COMMD10: variants seen among roughly 807,000 people sequenced by gnomAD.
COMMD10 encodes COMM domain-containing protein 10.
A neutral mutation model predicts 28.9 loss-of-function variants in COMMD10; 33 were observed. The ratio of observed to expected loss-of-function variants is 1.14; its 90% confidence interval spans 0.87 to 1.53. The LOEUF (loss-of-function observed/expected upper bound fraction) is 1.53. Among genes scored for constraint, COMMD10 ranks in the 40% most tolerant of loss-of-function variants. The pLI is 0.00. For missense variants in COMMD10, 310 were observed against 233.4 expected (o/e 1.33, Z -2.14); for synonymous variants, 110 against 81.7 (o/e 1.35, Z -1.87).
chr5:116,244,033 AC>A (rs1429967011), intron 5 of COMMD10, among the ~76,000 whole-genome samples: 2 of 151,270 alleles, frequency 1.3e-5, no homozygotes, highest in African/African-American at 2.4e-5. Context: ...AGATGTCTAT[AC>A]ACACACACAT....
intron 5 of COMMD10, among the ~76,000 whole-genome samples, chr5:116,285,566 A>T (rs1751197559): frequency 1.3e-5 from 2 of 152,100 alleles, no homozygotes; most frequent in African/African-American, 4.8e-5. Context: ...GGCAATGATT[A>T]TGACAGACAT....
chr5:116,166,573 A>G (rs1454423544), intron 5 of COMMD10, among the ~76,000 whole-genome samples: 1 of 152,190 alleles, frequency 6.6e-6, no homozygotes, highest in African/African-American at 2.4e-5. Context: ...AGGGGTTGAC[A>G]GGCATCTCAT....
At chr5:116,217,320 A>G (rs1468060664) in intron 5 of COMMD10, among the ~76,000 whole-genome samples, 2 of 152,136 alleles carry the variant, frequency 1.3e-5, no homozygotes, top group Non-Finnish European at 2.9e-5. Context: ...TTCAAACTTA[A>G]CTACCTTCTT....
chr5:116,131,422 T>C (rs779557287), intron 4 of COMMD10, among the ~76,000 whole-genome samples: 1 of 151,386 alleles, frequency 6.6e-6, no homozygotes, highest in Non-Finnish European at 1.5e-5. Flanking sequence ...TATGTATGTA[T>C]GTATGTATGT....
intron 5 of COMMD10, among the ~76,000 whole-genome samples, chr5:116,194,062 A>G (rs1748442109): frequency 6.6e-6 from 1 of 152,176 alleles, no homozygotes; most frequent in Non-Finnish European, 1.5e-5. Flanking sequence ...TTGCTCCTGA[A>G]TGAGCATTGG....
intron 5 of COMMD10, among the ~76,000 whole-genome samples, chr5:116,208,794 G>T (rs568464867): frequency 9.9e-5 from 15 of 152,166 alleles, no homozygotes; most frequent in Non-Finnish European, 1.6e-4. Context: ...TCTTTTGGAT[G>T]TAGAGGCATA....
At chr5:116,086,026 T>C (rs766030479) in intron 1 of COMMD10, among the ~76,000 whole-genome samples, 2 of 152,122 alleles carry the variant, frequency 1.3e-5, no homozygotes, top group African/African-American at 4.8e-5. Flanking sequence ...CCCTCCACAG[T>C]GTGGGAGCTG....
chr5:116,135,595 G>C (rs781029483), intron 5 of COMMD10, among the ~76,000 whole-genome samples: 1 of 152,152 alleles, frequency 6.6e-6, no homozygotes, highest in Non-Finnish European at 1.5e-5. Context: ...TTTGAAATAG[G>C]TGAGTACAGT....
intron 5 of COMMD10, among the ~76,000 whole-genome samples, chr5:116,246,797 G>GA (rs1446285008): frequency 6.6e-6 from 1 of 152,090 alleles, no homozygotes; most frequent in African/African-American, 2.4e-5. Flanking sequence ...GCAGAAGGTT[G>GA]AAACTGGACC....
intron 5 of COMMD10, among the ~76,000 whole-genome samples, chr5:116,270,782 G>C (rs970999304): frequency 1.3e-5 from 2 of 151,502 alleles, no homozygotes; most frequent in Non-Finnish European, 2.9e-5. Flanking sequence ...ACTGAATACA[G>C]AAGAATTAGT....
At chr5:116,182,149 T>C (rs1747987048) in intron 5 of COMMD10, among the ~76,000 whole-genome samples, 1 of 151,948 alleles carries the variant, frequency 6.6e-6, no homozygotes, top group South Asian at 2.1e-4. Context: ...AACAACTAGG[T>C]CTGTTAAGAG....
intron 5 of COMMD10, among the ~76,000 whole-genome samples, chr5:116,265,260 C>G (rs564044945): frequency 6.6e-6 from 1 of 151,584 alleles, no homozygotes; most frequent in African/African-American, 2.4e-5. Flanking sequence ...TTTTTTTTCA[C>G]TATCCCCAAA....
rs144422497 is a variant in COMMD10, at chr5:116,091,117, T to G, written c.171T>G (p.Leu57=). The change falls in exon 3 of 7, where the codon CTT becomes CTG. Residue 57 remains leucine, a synonymous_variant. Transcript: ENST00000274458. ...SSFSEEEEEK[L]QAAFSLEKQD... ...TCAGTGAAGAAGAGGAAGAAAAACT[T>G]CAAGCGGCATTTTCTCTAGAGAAAC... is the stretch of plus-strand genomic sequence containing the variant. 78 of 1,612,486 alleles carry G rather than the reference T, an allele frequency of 4.8e-5. No individual in the cohort carries two copies. In the African/African-American group the frequency reaches 1.0e-3, roughly 21 times the overall value.
intron 5 of COMMD10, among the ~76,000 whole-genome samples, chr5:116,280,314 C>A (rs748643917): frequency 2.6e-5 from 4 of 151,830 alleles, no homozygotes; most frequent in Non-Finnish European, 5.9e-5. Context: ...TTCACTCTGC[C>A]TAGGATGCTT....
At chr5:116,185,925 A>G (rs972252447) in intron 5 of COMMD10, among the ~76,000 whole-genome samples, 3 of 152,090 alleles carry the variant, frequency 2.0e-5, no homozygotes, top group Non-Finnish European at 2.9e-5. Flanking sequence ...CCAACCAGCA[A>G]GAACTCTGAC....
intron 5 of COMMD10, among the ~76,000 whole-genome samples, chr5:116,160,249 T>C (rs1341199296): frequency 6.6e-6 from 1 of 152,228 alleles, no homozygotes; most frequent in Non-Finnish European, 1.5e-5. Context: ...TTACAACTTT[T>C]GCTGCAGGTT....
chr5:116,178,716 G>A (rs375608959), intron 5 of COMMD10, among the ~76,000 whole-genome samples: 2 of 152,046 alleles, frequency 1.3e-5, no homozygotes, highest in African/African-American at 2.4e-5. Context: ...TTTGCAGTTA[G>A]TTGACTCTGC....
At chr5:116,246,451 T>G (rs896304945) in intron 5 of COMMD10, among the ~76,000 whole-genome samples, 1 of 151,750 alleles carries the variant, frequency 6.6e-6, no homozygotes, top group African/African-American at 2.4e-5. Flanking sequence ...AAACCTCCAT[T>G]GAGATTCTTT....
intron 5 of COMMD10, chr5:116,218,142 C>T (rs1435797238): frequency 4.4e-6 from 5 of 1,128,076 alleles, no homozygotes; most frequent in Non-Finnish European, 6.7e-6. Context: ...CCTTTGGGTA[C>T]CTTCTCTCCC....
Sources: allele counts gnomAD v4.1 joint callset (sites outside exome capture counted in the v4.1 genomes callset), GRCh38; gene constraint gnomAD v4.1.1; transcripts MANE v1.5; gene names NCBI Gene and HGNC (gene_info 2026-07-23, HGNC 2026-07-21).